EPHB1: variants seen among roughly 807,000 people sequenced by gnomAD.
EPHB1 encodes EPH receptor B1.
EPHB1 carries 30 observed loss-of-function variants against 94.4 expected under a neutral mutation model. The ratio of observed to expected loss-of-function variants is 0.32; its 90% confidence interval spans 0.24 to 0.43. EPHB1 has a LOEUF of 0.43. Ranked by LOEUF, EPHB1 falls within the 20% of genes least tolerant of loss-of-function variation. The pLI is 1.00. For missense variants in EPHB1, 1,055 were observed against 1,308.3 expected (o/e 0.81, Z 2.99); for synonymous variants, 522 against 489.1 (o/e 1.07, Z -0.89).
chr3:135,158,912 C>T (rs1941432983), intron 6 of EPHB1, among the ~76,000 whole-genome samples: 1 of 152,162 alleles, frequency 6.6e-6, no homozygotes, highest in Non-Finnish European at 1.5e-5. Context: ...GTAATTTCTA[C>T]CTTTCAAATT....
At chr3:135,235,330 C>T (rs1272159458) in intron 12 of EPHB1, among the ~76,000 whole-genome samples, 1 of 152,202 alleles carries the variant, frequency 6.6e-6, no homozygotes, top group African/African-American at 2.4e-5. Context: ...CAGCAGTTCT[C>T]AAAGTGGGAG....
intron 3 of EPHB1, among the ~76,000 whole-genome samples, chr3:134,999,019 G>A (rs1935089402): frequency 6.6e-6 from 1 of 152,158 alleles, no homozygotes; most frequent in South Asian, 2.1e-4. Context: ...CAGGCTGACT[G>A]GGCTGGGAAG....
chr3:134,853,403 G>A (rs1560263972), intron 1 of EPHB1, among the ~76,000 whole-genome samples: 1 of 152,234 alleles, frequency 6.6e-6, no homozygotes, highest in African/African-American at 2.4e-5. Context: ...AGAAGTGGCA[G>A]ACATGTTTTG....
intron 5 of EPHB1, among the ~76,000 whole-genome samples, chr3:135,151,123 T>C (rs776265975): frequency 6.6e-6 from 1 of 152,254 alleles, no homozygotes; most frequent in Non-Finnish European, 1.5e-5. Context: ...ACAGCAGTGC[T>C]GTGATTGGCT....
chr3:134,968,461 A>G (rs999630498), intron 3 of EPHB1, among the ~76,000 whole-genome samples: 29 of 152,226 alleles, frequency 1.9e-4, no homozygotes, highest in African/African-American at 7.0e-4. Context: ...CCCTGAAGAT[A>G]GTGGAAACCA....
intron 15 of EPHB1, among the ~76,000 whole-genome samples, chr3:135,258,282 A>G (rs527587518): frequency 2.6e-5 from 4 of 152,206 alleles, no homozygotes; most frequent in South Asian, 4.2e-4. Context: ...TGGTTTCTCT[A>G]TTTTTATGAA....
intron 1 of EPHB1, among the ~76,000 whole-genome samples, chr3:134,817,229 T>A (rs2036289166): frequency 6.6e-6 from 1 of 152,208 alleles, no homozygotes; most frequent in Admixed American, 6.5e-5. Context: ...CCCATTCCCC[T>A]CTCTGTGGCC....
intron 3 of EPHB1, among the ~76,000 whole-genome samples, chr3:134,964,970 A>G (rs888367767): frequency 3.9e-5 from 6 of 152,264 alleles, no homozygotes; most frequent in African/African-American, 1.4e-4. Context: ...CAGGAAATCA[A>G]TGATTATCAT....
chr3:134,991,932 T>A (rs1934818775), intron 3 of EPHB1, among the ~76,000 whole-genome samples: 1 of 152,046 alleles, frequency 6.6e-6, no homozygotes, highest in Non-Finnish European at 1.5e-5. Context: ...TGGTGTGTGG[T>A]TACACTTTTC....
intron 1 of EPHB1, among the ~76,000 whole-genome samples, chr3:134,884,588 T>C (rs1321976861): frequency 6.6e-6 from 1 of 152,146 alleles, no homozygotes; most frequent in South Asian, 2.1e-4. Context: ...TTCTGTTAGT[T>C]AAGTAAAATA....
At chr3:135,191,491 GAA>G (rs2107709465) in intron 10 of EPHB1, among the ~76,000 whole-genome samples, 1 of 152,336 alleles carries the variant, frequency 6.6e-6, no homozygotes, top group South Asian at 2.1e-4. Flanking sequence ...AAGTGAGAGA[GAA>G]AGTTTTCTCA....
intron 3 of EPHB1, among the ~76,000 whole-genome samples, chr3:134,978,260 C>T (rs1409392353): frequency 6.6e-6 from 1 of 152,204 alleles, no homozygotes; most frequent in Non-Finnish European, 1.5e-5. Context: ...TCTCTCTTGT[C>T]TTCCGGGATC....
chr3:135,117,711 G>C (rs150731042), intron 4 of EPHB1, among the ~76,000 whole-genome samples: 1,698 of 152,336 alleles, frequency 0.011, 110 homozygotes, highest in Admixed American at 0.11. Flanking sequence ...AATAGGAATG[G>C]TGTGCTGGCC....
At chr3:134,851,735 A>G (rs944733903) in intron 1 of EPHB1, among the ~76,000 whole-genome samples, 23 of 152,228 alleles carry the variant, frequency 1.5e-4, no homozygotes, top group African/African-American at 5.3e-4. Flanking sequence ...GTTGTCTTGT[A>G]AAAGAAGGTA....
chr3:135,091,170 C>A (rs541364111), intron 3 of EPHB1, among the ~76,000 whole-genome samples: 1 of 152,284 alleles, frequency 6.6e-6, no homozygotes, highest in African/African-American at 2.4e-5. Context: ...GGAGGCTGTG[C>A]AGTGGGACCA....
At chr3:135,116,269 T>C (rs1304396432) in intron 4 of EPHB1, among the ~76,000 whole-genome samples, 15 of 152,116 alleles carry the variant, frequency 9.9e-5, no homozygotes, top group Admixed American at 9.8e-4. Flanking sequence ...GGCTTTTAGA[T>C]CAAATTCTCC....
intron 5 of EPHB1, 77 bp downstream of exon 5, chr3:135,133,126 C>T (rs940107767): frequency 2.8e-5 from 39 of 1,369,710 alleles, no homozygotes; most frequent in Middle Eastern, 1.9e-4. Flanking sequence ...ACAGCTGCAG[C>T]CACACCCATC....
At chr3:135,189,847 A>C (rs752492027) in intron 10 of EPHB1, among the ~76,000 whole-genome samples, 8 of 152,220 alleles carry the variant, frequency 5.3e-5, no homozygotes, top group Admixed American at 3.9e-4. Flanking sequence ...AAATATTCTG[A>C]TGCCACCCAA....
intron 3 of EPHB1, among the ~76,000 whole-genome samples, chr3:134,969,370 G>T (rs988046211): frequency 6.6e-6 from 1 of 152,132 alleles, no homozygotes; most frequent in Non-Finnish European, 1.5e-5. Flanking sequence ...GTTGTTTGTT[G>T]TCTTTCTTGA....
Sources: gnomAD v4.1 joint callset for allele counts (sites outside exome capture counted in the v4.1 genomes callset) on GRCh38, gnomAD v4.1.1 for gene constraint, MANE v1.5 for transcripts, NCBI Gene and HGNC (gene_info 2026-07-23, HGNC 2026-07-21) for gene names.